The following MCC variants were observed in gnomAD, a reference collection of about 807,000 sequenced individuals.
The protein encoded by MCC is MCC regulator of Wnt signaling pathway, also known as colorectal mutant cancer protein.
In MCC, 90 loss-of-function variants were observed where a neutral mutation model predicts 116.2. The ratio of observed to expected loss-of-function variants is 0.77; its 90% CI spans 0.65 to 0.92. The LOEUF is 0.92. Ranked by LOEUF, MCC falls within the 40% of genes least tolerant of loss-of-function variation. The probability of loss-of-function intolerance (pLI) is 0.00; values close to 1 mark genes in which losing one functional copy is unlikely to be tolerated. For synonymous variants in MCC, 578 were observed against 510.5 expected (o/e 1.13, Z -1.78); for missense variants, 1,516 against 1,312.2 (o/e 1.16, Z -2.40).
At chr5:113,168,379 G>C (rs889312333) in intron 3 of MCC, among the ~76,000 whole-genome samples, 1 of 152,148 alleles carries the variant, frequency 6.6e-6, no homozygotes, top group Non-Finnish European at 1.5e-5. Flanking sequence ...ACATGATTCA[G>C]TTCTTTGAAA....
rs1196323101 is a variant in MCC at position 113,153,183 on chromosome 5, G to A, written c.628-1761C>T. 3.9e-5 allele frequency among the ~76,000 whole-genome samples: 6 copies of A among 152,292 alleles called. No individual in the cohort carries two copies. In the South Asian group the frequency reaches 6.2e-4, roughly 16 times the overall value. The stretch of plus-strand genomic sequence containing the variant: ...ACCTCCGGCGAAAAGGATAAAATAC[G>A]TGAGAGCTGACATGTTCTTGAAGAA... On this transcript the variant is annotated intron_variant, in intron 3 of 18. Transcript: ENST00000408903.
At chr5:113,059,828 C>G (rs913220161) in intron 14 of MCC, among the ~76,000 whole-genome samples, 1 of 152,184 alleles carries the variant, frequency 6.6e-6, no homozygotes, top group Non-Finnish European at 1.5e-5. Context: ...CTGGCTGGTT[C>G]GGGACGGTTC....
chr5:113,345,622 C>T (rs1006046217), intron 2 of MCC, among the ~76,000 whole-genome samples: 6 of 152,246 alleles, frequency 3.9e-5, no homozygotes, highest in African/African-American at 1.4e-4. Context: ...AGAGTCTCTG[C>T]CTCGTAATCT....
At chr5:113,205,796 T>G (rs1215033455) in intron 3 of MCC, among the ~76,000 whole-genome samples, 1 of 152,048 alleles carries the variant, frequency 6.6e-6, no homozygotes, top group Non-Finnish European at 1.5e-5. Context: ...GTGGCATGGG[T>G]AGATAGAGCA....
At chr5:113,083,316 C>T (rs1264956480) in intron 10 of MCC, among the ~76,000 whole-genome samples, 1 of 152,086 alleles carries the variant, frequency 6.6e-6, no homozygotes, top group Non-Finnish European at 1.5e-5. Context: ...GGAACAGAGT[C>T]AGGATTTCTT....
intron 2 of MCC, among the ~76,000 whole-genome samples, chr5:113,353,684 C>CTACA (rs1768338914): frequency 6.6e-6 from 1 of 152,154 alleles, no homozygotes. Context: ...ATTGATCAGT[C>CTACA]TACACATGGT....
chr5:113,113,155 A>G (rs897070851), intron 6 of MCC, among the ~76,000 whole-genome samples: 3 of 152,320 alleles, frequency 2.0e-5, no homozygotes, highest in African/African-American at 2.4e-5. Context: ...TGGTAAAGCA[A>G]TTCAAAGTGG....
chr5:113,080,098 A>C (rs1266696739), intron 11 of MCC, among the ~76,000 whole-genome samples: 1 of 152,212 alleles, frequency 6.6e-6, no homozygotes, highest in African/African-American at 2.4e-5. Context: ...CAAAACCACA[A>C]TGAGATACCA....
At chr5:113,471,885 G>A (rs934368072) in intron 1 of MCC, among the ~76,000 whole-genome samples, 2 of 151,956 alleles carry the variant, frequency 1.3e-5, no homozygotes, top group Admixed American at 6.6e-5. Flanking sequence ...CCCCAGCCTT[G>A]CTGCCGCCTT....
chr5:113,462,054 T>C (rs1461061921), intron 1 of MCC, among the ~76,000 whole-genome samples: 1 of 152,202 alleles, frequency 6.6e-6, no homozygotes, highest in Non-Finnish European at 1.5e-5. Flanking sequence ...AGCCTGTTAA[T>C]GCCCACAAAA....
At chr5:113,108,282 G>C (rs1756865689) in intron 6 of MCC, among the ~76,000 whole-genome samples, 1 of 139,078 alleles carries the variant, frequency 7.2e-6, no homozygotes, top group Admixed American at 7.7e-5. Flanking sequence ...GCAATGAGCT[G>C]AGATTGCACT....
In MCC at chr5:113,259,628, T is replaced by A. The variant is rs114851324; in HGVS notation, c.627+80891A>T. Among the ~76,000 whole-genome samples the A allele has an allele frequency of 5.6e-3, 855 of 152,238 alleles. 8 individuals carry two copies. The highest frequency in any genetic ancestry group is 0.02 in the African/African-American group (817 of 41,526). On this transcript the variant is annotated intron_variant, in intron 3 of 18. Transcript: ENST00000408903. ...GTAATTAAATTTGGTTGCAGCAGAG[T>A]GCGGCCAGGAGAAGCACGTGGCCAT...
chr5:113,097,513 G>T (rs1190751958), intron 8 of MCC, among the ~76,000 whole-genome samples: 1 of 151,918 alleles, frequency 6.6e-6, no homozygotes, highest in Non-Finnish European at 1.5e-5. Flanking sequence ...TCTATGAAAT[G>T]GAAATTTATA....
intron 8 of MCC, among the ~76,000 whole-genome samples, chr5:113,099,624 T>G (rs1050510044): frequency 6.6e-6 from 1 of 152,222 alleles, no homozygotes; most frequent in African/African-American, 2.4e-5. Flanking sequence ...TTAGGCAACC[T>G]GCCAAAGACT....
rs368002803 is a variant in MCC, at chr5:113,110,850, T to C, written c.1028-6495A>G. The stretch of plus-strand genomic sequence containing the variant: ...GAGTTAACTGTCAACATTTTAAAAA[T>C]TGTTAAAATTTATGGCTATCCTTGT... On this transcript the variant is annotated intron_variant, in intron 6 of 18. Coordinates refer to ENST00000408903, the MANE Select transcript of MCC (RefSeq NM_001085377.2). Among the ~76,000 whole-genome samples, 7 of 152,310 alleles carry C rather than the reference T, an allele frequency of 4.6e-5. No individual in the cohort carries two copies. In the East Asian group the frequency reaches 1.2e-3, roughly 25 times the overall value.
chr5:113,122,609 G>A, intron 6 of MCC, 75 bp downstream of exon 6: 1 of 1,548,922 alleles, frequency 6.5e-7, no homozygotes, highest in Non-Finnish European at 8.8e-7. Flanking sequence ...AATTCAGGCT[G>A]CCTCACATTT....
chr5:113,433,766 G>A (rs780226113), intron 1 of MCC: 18 of 1,613,772 alleles, frequency 1.1e-5, no homozygotes, highest in Non-Finnish European at 1.4e-5. Context: ...GAGGCTGTTG[G>A]GGGGGCCCTT....
At position 113,146,521 on chromosome 5, in the gene MCC, AG is replaced by A. The variant is rs543484832; in HGVS notation, c.742-3162del. Among the ~76,000 whole-genome samples the A allele has an allele frequency of 1.4e-4, 21 of 152,094 alleles. No homozygotes were observed. The East Asian group carries it at 2.0e-3, about 14-fold the overall frequency. ...AGGCCTTATGATACCAAAGAGAGCTAGGAAAGCCCAAAGAGCTCTCTCTTCA... is the reference window on the plus strand; with the variant it reads ...AGGCCTTATGATACCAAAGAGAGCTAGAAAGCCCAAAGAGCTCTCTCTTCA... On this transcript the variant is annotated intron_variant, in intron 4 of 18. Transcript: ENST00000408903.
chr5:113,156,531 C>G (rs1581171723), intron 3 of MCC, among the ~76,000 whole-genome samples: 1 of 152,312 alleles, frequency 6.6e-6, no homozygotes, highest in East Asian at 1.9e-4. Flanking sequence ...GTAGATAGCA[C>G]AGGACTAAGA....
Sources: allele counts gnomAD v4.1 joint callset (sites outside exome capture counted in the v4.1 genomes callset), GRCh38; gene constraint gnomAD v4.1.1; transcripts MANE v1.5; gene names NCBI Gene and HGNC (gene_info 2026-07-23, HGNC 2026-07-21).